The following XRRA1 variants were observed in gnomAD, a reference collection of about 807,000 sequenced individuals.
XRRA1 encodes X-ray radiation resistance-associated protein 1.
In XRRA1, 69 loss-of-function variants were observed where a neutral mutation model predicts 80.2. That is an observed-to-expected ratio of 0.86 (90% CI 0.71 to 1.05). The LOEUF is 1.05. Ranked by LOEUF, XRRA1 falls within the 50% of genes least tolerant of loss-of-function variation. The probability of loss-of-function intolerance (pLI) is 0.00; values close to 1 mark genes in which losing one functional copy is unlikely to be tolerated. For synonymous variants in XRRA1, 348 were observed against 389.9 expected, an observed-to-expected ratio of 0.89 and a Z score of 1.27; for missense variants, 967 against 976.4, an observed-to-expected ratio of 0.99 and a Z score of 0.13.
chr11:74,939,018 T>C (rs951148442), intron 3 of XRRA1, among the ~76,000 whole-genome samples: 1 of 152,240 alleles, frequency 6.6e-6, no homozygotes, highest in African/African-American at 2.4e-5. Flanking sequence ...ACTTTCTATT[T>C]CCCTCATTCC....
chr11:74,841,920 C>T lies in XRRA1; in HGVS notation c.*1280G>A, dbSNP rs919954561. 3.9e-5 allele frequency: 6 copies of T among 152,116 alleles called. No homozygotes were observed. Among genetic ancestry groups the T allele is most frequent in the Admixed American group, 2.0e-4 (3 of 15,268 alleles). 9.4% of individuals were successfully genotyped at this position (152,116 alleles called of 1,614,324 possible). A position where few individuals can be genotyped will look rare whatever the true frequency, so the allele number is the denominator to read the frequency against. ...TTTGCATCAAACATGGTATTACCAA[C>T]GCTGAGCCTCCAGCAGAGCACTTAA... On this transcript the variant is annotated 3_prime_UTR_variant, in exon 19 of 19. Transcript: ENST00000684022.
In XRRA1 at chr11:74,845,274, G is replaced by T; in HGVS notation, c.1729-3C>A. 1 of 1,609,184 alleles carries T rather than the reference G, an allele frequency of 6.2e-7. No individual in the cohort carries two copies. The highest frequency in any genetic ancestry group is 8.5e-7 in the Non-Finnish European group (1 of 1,177,206). On this transcript the variant is annotated splice_polypyrimidine_tract_variant and splice_region_variant and intron_variant, in intron 15 of 18. Transcript: ENST00000684022. The stretch of plus-strand genomic sequence containing the variant: ...ACGGAGGAAGGCAGTTCACTCACCT[G>T]TGCCCAGGAAGAAAACGCATTCATT...
intron 8 of XRRA1, among the ~76,000 whole-genome samples, chr11:74,918,176 G>A (rs1466903456): frequency 6.6e-6 from 1 of 152,162 alleles, no homozygotes; most frequent in Admixed American, 6.5e-5. Context: ...GAAGATGACA[G>A]AGGAACATTA....
Position 74,907,239 on chromosome 11 carries a change from AC to A in XRRA1, c.690del (p.Arg230SerfsTer4). On this transcript the variant is annotated frameshift_variant, in exon 9 of 19. Coordinates refer to ENST00000684022, the MANE Select transcript of XRRA1 (RefSeq NM_001378157.1). LOFTEE classifies it high-confidence loss of function. Reference sequence around the variant, plus strand: ...TCCAGCGCTGGGAACCTCAGGATGTACCTCTTGCTTGTCAGCGATGTTACAG... The same window carrying A: ...TCCAGCGCTGGGAACCTCAGGATGTACTCTTGCTTGTCAGCGATGTTACAG... ...EASVTSLTSK[R>X]YILRFPALET... The A allele has an allele frequency of 1.9e-6, 3 of 1,613,914 alleles. No homozygotes were observed. The highest frequency in any genetic ancestry group is 2.5e-6 in the Non-Finnish European group (3 of 1,179,872).
intron 14 of XRRA1, among the ~76,000 whole-genome samples, chr11:74,848,992 C>A (rs1470607283): frequency 2.0e-5 from 3 of 152,138 alleles, no homozygotes; most frequent in Non-Finnish European, 2.9e-5. Context: ...ATATAAAGAT[C>A]CTAAAGATAG....
At chr11:74,856,477 C>T (rs776785378) in intron 12 of XRRA1, among the ~76,000 whole-genome samples, 5 of 152,162 alleles carry the variant, frequency 3.3e-5, no homozygotes, top group Admixed American at 6.5e-5. Flanking sequence ...GACAATCATG[C>T]GGCCTGAAAT....
At chr11:74,848,984 A>G (rs983513995) in intron 14 of XRRA1, among the ~76,000 whole-genome samples, 1 of 152,222 alleles carries the variant, frequency 6.6e-6, no homozygotes, top group African/African-American at 2.4e-5. Context: ...TATACCTTAT[A>G]TAAAGATCCT....
intron 16 of XRRA1, 98 bp from the exon 17 acceptor site, chr11:74,844,381 G>A: frequency 2.3e-6 from 2 of 861,222 alleles, no homozygotes; most frequent in South Asian, 1.6e-5. Context: ...AGCAGCTCTA[G>A]GTAAAAGGAT....
At chr11:74,864,631 C>T (rs1311457189) in intron 10 of XRRA1, among the ~76,000 whole-genome samples, 2 of 152,230 alleles carry the variant, frequency 1.3e-5, no homozygotes, top group African/African-American at 4.8e-5. Context: ...GAGCCTGCAA[C>T]CAAAACCATC....
At chr11:74,932,311 C>A (rs1943807942) in intron 5 of XRRA1, among the ~76,000 whole-genome samples, 1 of 152,180 alleles carries the variant, frequency 6.6e-6, no homozygotes, top group Non-Finnish European at 1.5e-5. Flanking sequence ...TAAGCTACCA[C>A]CCTCTCCAGG....
chr11:74,852,124 C>G, intron 12 of XRRA1, 42 bp from the exon 13 acceptor site: 1 of 1,529,636 alleles, frequency 6.5e-7, no homozygotes, highest in Non-Finnish European at 9.1e-7. Context: ...GACACCACCC[C>G]TCACCTCTAC....
In XRRA1 at chr11:74,937,007, A is replaced by T. The variant is rs753825386; in HGVS notation, c.156T>A (p.Val52=). 6.2e-7 allele frequency: 1 copy of T among 1,613,888 alleles called. No homozygotes were observed. The highest frequency in any genetic ancestry group is 8.5e-7 in the Non-Finnish European group (1 of 1,179,878). The change falls in exon 4 of 19, where the codon GTT becomes GTA. Residue 52 remains valine (V), a synonymous_variant. Coordinates refer to ENST00000684022, the MANE Select transcript of XRRA1 (RefSeq NM_001378157.1). ...TTTCCCGACGTTCAGCTTGTGCTCC[A>T]ACCAAACCCTTGGGCTTCTTCTTGA... The part of the protein sequence containing the change: ...GNLKKKPKGL[V]GAQAERRESL...
intron 12 of XRRA1, among the ~76,000 whole-genome samples, chr11:74,856,478 G>A (rs886556804): frequency 2.0e-5 from 3 of 152,138 alleles, no homozygotes; most frequent in South Asian, 4.1e-4. Flanking sequence ...ACAATCATGC[G>A]GCCTGAAATC....
chr11:74,861,111 G>A (rs527881812), intron 11 of XRRA1, among the ~76,000 whole-genome samples: 27 of 152,310 alleles, frequency 1.8e-4, no homozygotes, highest in South Asian at 8.3e-4. Context: ...TGCTGGGAGG[G>A]AGACATGCCC....
At chr11:74,843,697 C>T in intron 18 of XRRA1, 157 bp downstream of exon 18, 1 of 814,702 alleles carries the variant, frequency 1.2e-6, no homozygotes, top group Admixed American at 2.7e-5. Context: ...AACTCCCTGC[C>T]TCACGCTGGC....
chr11:74,874,630 A>G (rs999362524), intron 10 of XRRA1, among the ~76,000 whole-genome samples: 2 of 152,236 alleles, frequency 1.3e-5, no homozygotes, highest in African/African-American at 4.8e-5. Flanking sequence ...CTGTCCTCTA[A>G]GGGATGCCCT....
intron 10 of XRRA1, among the ~76,000 whole-genome samples, chr11:74,894,791 A>AT (rs1434738522): frequency 2.6e-5 from 4 of 152,170 alleles, no homozygotes; most frequent in African/African-American, 9.7e-5. Flanking sequence ...AAAAATCAAG[A>AT]TTTTCTCTTA....
chr11:74,844,920 C>T (rs931658454), intron 16 of XRRA1, among the ~76,000 whole-genome samples, 153 bp downstream of exon 16: 2 of 152,376 alleles, frequency 1.3e-5, no homozygotes, highest in South Asian at 2.1e-4. Flanking sequence ...AAACAAAGGA[C>T]ACCCTAAAAG....
chr11:74,854,924 C>A (rs1361471913), intron 12 of XRRA1, among the ~76,000 whole-genome samples: 2 of 152,090 alleles, frequency 1.3e-5, no homozygotes, highest in Non-Finnish European at 2.9e-5. Context: ...CTGGCGGGTG[C>A]CTGTAATCCC....
Sources: gnomAD v4.1 joint callset for allele counts (sites outside exome capture counted in the v4.1 genomes callset) on GRCh38, gnomAD v4.1.1 for gene constraint, MANE v1.5 for transcripts, NCBI Gene and HGNC (gene_info 2026-07-23, HGNC 2026-07-21) for gene names.